The following SHANK2 variants were observed in gnomAD, a reference collection of about 807,000 sequenced individuals.
SHANK2 encodes the protein SH3 and multiple ankyrin repeat domains 2.
Under a neutral mutation model 133.7 loss-of-function variants are expected in SHANK2, and 43 were observed. The ratio of observed to expected loss-of-function variants is 0.32; its 90% confidence interval spans 0.25 to 0.41. SHANK2 has a LOEUF of 0.41. SHANK2 is among the 10% of genes least tolerant of loss of function. The pLI is 1.00. For missense variants in SHANK2, 1,994 were observed against 2,235.8 expected, an observed-to-expected ratio of 0.89 and a Z score of 2.18; for synonymous variants, 1,017 against 952.8, an observed-to-expected ratio of 1.07 and a Z score of -1.24.
At chr11:71,183,730 G>T (rs1197628526) in intron 2 of SHANK2, among the ~76,000 whole-genome samples, 13 of 152,160 alleles carry the variant, frequency 8.5e-5, no homozygotes, top group Admixed American at 8.5e-4. Context: ...CACCCAGCAT[G>T]CTGGGAAACT....
chr11:70,481,896 T>C (rs1555151716), intron 25 of SHANK2, among the ~76,000 whole-genome samples: 1 of 152,252 alleles, frequency 6.6e-6, no homozygotes, highest in Non-Finnish European at 1.5e-5. Context: ...GAGATAGGTC[T>C]GTGGCTGAGA....
intron 9 of SHANK2, among the ~76,000 whole-genome samples, chr11:71,061,855 C>T (rs1014062436): frequency 2.0e-5 from 3 of 152,130 alleles, no homozygotes; most frequent in African/African-American, 7.2e-5. Context: ...CTAGCCCTTC[C>T]CCCGCTCTGC....
At chr11:70,542,645 C>T (rs1416342986) in intron 17 of SHANK2, among the ~76,000 whole-genome samples, 1 of 152,176 alleles carries the variant, frequency 6.6e-6, no homozygotes, top group Non-Finnish European at 1.5e-5. Flanking sequence ...ACCATCAGGT[C>T]CTTCCTGGAG....
intron 10 of SHANK2, among the ~76,000 whole-genome samples, chr11:70,937,195 A>G (rs781897244): frequency 2.0e-5 from 3 of 152,204 alleles, no homozygotes; most frequent in Non-Finnish European, 4.4e-5. Context: ...AGAAGAGTTT[A>G]AGAGTCACCA....
chr11:70,605,050 G>C (rs2060556332), intron 17 of SHANK2, among the ~76,000 whole-genome samples: 1 of 152,208 alleles, frequency 6.6e-6, no homozygotes, highest in African/African-American at 2.4e-5. Flanking sequence ...AGGCAGCCTG[G>C]GGCAGGGCCA....
rs1012514864 is a variant in SHANK2 at position 70,487,940 on chromosome 11, T to G, written c.2573-220A>C. Among the ~76,000 whole-genome samples, 4 of 152,144 alleles carry G rather than the reference T, an allele frequency of 2.6e-5. No individual in the cohort carries two copies. The highest frequency in any genetic ancestry group is 2.4e-5 in the African/African-American group (1 of 41,432). On this transcript the variant is annotated intron_variant, in intron 24 of 25. Coordinates refer to ENST00000601538, the MANE Select transcript of SHANK2 (RefSeq NM_012309.5). This position sits in a 1 kb window ranked among gnomAD's most constrained non-coding sequence, Gnocchi z 5.8. The stretch of plus-strand genomic sequence containing the variant: ...AAGAACAGAAAGGCACTGGGGATGC[T>G]GTGAGTACGCTGCTGCTGTGGGGCC...
intron 1 of SHANK2, among the ~76,000 whole-genome samples, chr11:71,239,804 G>C (rs933442435): frequency 6.6e-6 from 1 of 152,164 alleles, no homozygotes; most frequent in African/African-American, 2.4e-5. Context: ...TACATGTGGA[G>C]TGTCCTGCAG....
chr11:70,650,024 G>A (rs1467246466), intron 17 of SHANK2, among the ~76,000 whole-genome samples: 1 of 152,224 alleles, frequency 6.6e-6, no homozygotes, highest in Non-Finnish European at 1.5e-5. Context: ...CCTGAGGGAG[G>A]TGGATAGTAA....
intron 6 of SHANK2, among the ~76,000 whole-genome samples, chr11:71,101,310 C>CG (rs1334298508): frequency 1.3e-5 from 2 of 152,186 alleles, no homozygotes; most frequent in Non-Finnish European, 2.9e-5. Context: ...ACTGAAGGCA[C>CG]GGCACCTCGC....
chr11:71,164,922 T>C (rs1160952764), intron 2 of SHANK2, among the ~76,000 whole-genome samples: 1 of 152,184 alleles, frequency 6.6e-6, no homozygotes, highest in Non-Finnish European at 1.5e-5. Context: ...CATCCTGCCA[T>C]CATCTGTAAT....
intron 6 of SHANK2, among the ~76,000 whole-genome samples, chr11:71,103,132 G>C (rs959596638): frequency 4.6e-5 from 7 of 152,184 alleles, no homozygotes; most frequent in Non-Finnish European, 5.9e-5. Context: ...CATCACCTAG[G>C]GGGTTAGGGT....
intron 8 of SHANK2, among the ~76,000 whole-genome samples, chr11:71,076,546 C>CCACA (rs1356959143): frequency 6.7e-6 from 1 of 149,536 alleles, no homozygotes. Context: ...AAAAAAAAAA[C>CCACA]CACACACACA....
At position 70,886,206 on chromosome 11, in the gene SHANK2, G is replaced by A. The variant is rs998604; in HGVS notation, c.1174+10295C>T. Among the ~76,000 whole-genome samples, 1,283 of 152,354 alleles carry A rather than the reference G, an allele frequency of 8.4e-3. 43 individuals are homozygous for A. The highest frequency in any genetic ancestry group is 0.065 in the Admixed American group (998 of 15,302). ...CAACAGACAGGTCACAGAGGCGGCCGACTGCTCCCATATGCCTTGAAACTG... is the reference window on the plus strand; with the variant it reads ...CAACAGACAGGTCACAGAGGCGGCCAACTGCTCCCATATGCCTTGAAACTG... On this transcript the variant is annotated intron_variant, in intron 11 of 25. Coordinates refer to ENST00000601538, the MANE Select transcript of SHANK2 (RefSeq NM_012309.5).
At position 70,592,038 on chromosome 11, in the gene SHANK2, A is replaced by T. The variant is rs148597949; in HGVS notation, c.2061+67790T>A. Among the ~76,000 whole-genome samples, 789 of 145,172 alleles carry T rather than the reference A, an allele frequency of 5.4e-3. 13 individuals carry two copies. The highest frequency in any genetic ancestry group is 0.018 in the African/African-American group (755 of 40,846). Reference sequence around the variant, plus strand: ...ATAGAGCGAGACTCCGTCTAAAAAAAAAATAAATAAATAAAAAATAAAAAT... The same window carrying T: ...ATAGAGCGAGACTCCGTCTAAAAAATAAATAAATAAATAAAAAATAAAAAT... On this transcript the variant is annotated intron_variant, in intron 17 of 25. Transcript: ENST00000601538.
chr11:70,939,593 G>A (rs933957896), intron 10 of SHANK2, among the ~76,000 whole-genome samples: 11 of 152,146 alleles, frequency 7.2e-5, no homozygotes, highest in African/African-American at 4.8e-5. Context: ...CCTGAGCTTC[G>A]TTCTCCATCC....
intron 8 of SHANK2, among the ~76,000 whole-genome samples, chr11:71,083,529 A>G (rs1951329292): frequency 6.6e-6 from 1 of 152,156 alleles, no homozygotes. Flanking sequence ...GTGGGTTTGC[A>G]ACCCCAGGCT....
chr11:70,507,310 C>T (rs1554968576), intron 17 of SHANK2, among the ~76,000 whole-genome samples: 1 of 152,326 alleles, frequency 6.6e-6, no homozygotes. Flanking sequence ...TGGGAAGGGA[C>T]AGATTGAACT....
intron 15 of SHANK2, among the ~76,000 whole-genome samples, chr11:70,681,657 G>C (rs1239203199): frequency 1.3e-5 from 2 of 152,078 alleles, no homozygotes; most frequent in African/African-American, 4.8e-5. Context: ...ACGGACGCTG[G>C]GGCACGCTGA....
intron 3 of SHANK2, among the ~76,000 whole-genome samples, chr11:71,126,216 CAA>C (rs1170621448): frequency 0.013 from 832 of 64,348 alleles, 4 homozygotes; most frequent in African/African-American, 0.048. Flanking sequence ...GACTCCGTCT[CAA>C]AAAAAAAAAA....
Sources: gnomAD v4.1 joint callset for allele counts (sites outside exome capture counted in the v4.1 genomes callset) on GRCh38, gnomAD v4.1.1 for gene constraint, Gnocchi (gnomAD v3.1) non-coding constraint, MANE v1.5 for transcripts, NCBI Gene and HGNC (gene_info 2026-07-23, HGNC 2026-07-21) for gene names.